TMEM108: variants seen among roughly 807,000 people sequenced by gnomAD.
TMEM108 encodes transmembrane protein 108, also known as cancer/testis antigen 124.
Under a neutral mutation model 35.1 loss-of-function variants are expected in TMEM108, and 12 were observed. The ratio of observed to expected loss-of-function variants is 0.34; its 90% CI spans 0.22 to 0.55. TMEM108 has a LOEUF of 0.55. TMEM108 is among the 20% of genes least tolerant of loss of function. The pLI is 0.89. For missense variants in TMEM108, 680 were observed against 753.3 expected, an observed-to-expected ratio of 0.90 and a Z score of 1.14; for synonymous variants, 287 against 308.6, an observed-to-expected ratio of 0.93 and a Z score of 0.73.
chr3:133,054,877 C>G (rs991433885), intron 2 of TMEM108, among the ~76,000 whole-genome samples: 3 of 152,182 alleles, frequency 2.0e-5, no homozygotes, highest in African/African-American at 7.2e-5. Context: ...GCACCACATA[C>G]AGAGAACAAG....
intron 3 of TMEM108, among the ~76,000 whole-genome samples, chr3:133,279,956 C>G (rs750666111): frequency 6.6e-6 from 1 of 152,164 alleles, no homozygotes; most frequent in Non-Finnish European, 1.5e-5. Context: ...TAGTCAAGTG[C>G]AAGTTGCCCC....
chr3:133,057,798 A>T (rs917604416), intron 2 of TMEM108, among the ~76,000 whole-genome samples: 1 of 152,204 alleles, frequency 6.6e-6, no homozygotes, highest in African/African-American at 2.4e-5. Context: ...TATCTAGTTT[A>T]ACTTTTTTGA....
intron 3 of TMEM108, among the ~76,000 whole-genome samples, chr3:133,286,711 T>C (rs181464028): frequency 6.6e-6 from 1 of 152,324 alleles, no homozygotes; most frequent in East Asian, 1.9e-4. Flanking sequence ...AACCTTGGGC[T>C]ACATAGTATA....
intron 3 of TMEM108, among the ~76,000 whole-genome samples, chr3:133,311,736 C>T (rs1244969389): frequency 2.6e-5 from 4 of 152,222 alleles, no homozygotes; most frequent in African/African-American, 7.2e-5. Flanking sequence ...CATTCTCCGT[C>T]CAGCTTTGTT....
intron 2 of TMEM108, among the ~76,000 whole-genome samples, chr3:133,050,724 A>C (rs1217959221): frequency 6.7e-6 from 1 of 148,518 alleles, no homozygotes; most frequent in Non-Finnish European, 1.5e-5. Context: ...TTTTTTTACT[A>C]TCTCCATAGT....
chr3:133,319,580 A>G (rs1313010655), intron 3 of TMEM108, among the ~76,000 whole-genome samples: 3 of 152,240 alleles, frequency 2.0e-5, no homozygotes, highest in African/African-American at 4.8e-5. Flanking sequence ...CAAGAAAGCT[A>G]GTACACTAAA....
At chr3:133,041,928 C>T (rs899425793) in intron 1 of TMEM108, 8 of 152,188 alleles carry the variant, frequency 5.3e-5, no homozygotes, top group African/African-American at 1.9e-4. Flanking sequence ...CACTATATTT[C>T]AGGGCTGTCC....
chr3:133,231,844 A>T (rs1049881898), intron 3 of TMEM108, among the ~76,000 whole-genome samples: 1 of 152,184 alleles, frequency 6.6e-6, no homozygotes, highest in African/African-American at 2.4e-5. Context: ...GTTCACAAGG[A>T]TTTGCTGACA....
chr3:133,371,726 A>G (rs987235435), intron 3 of TMEM108, among the ~76,000 whole-genome samples: 4 of 152,004 alleles, frequency 2.6e-5, no homozygotes, highest in African/African-American at 7.3e-5. Flanking sequence ...GCACATTGGA[A>G]TGTACTGTGG....
At chr3:133,192,667 G>C (rs57848251) in intron 2 of TMEM108, 36,257 of 152,250 alleles carry the variant, frequency 0.24, 4,503 homozygotes, top group East Asian at 0.48. Context: ...AAGGAAACAT[G>C]TTTGAATCGC....
At chr3:133,368,083 T>C (rs1198022098) in intron 3 of TMEM108, among the ~76,000 whole-genome samples, 11 of 152,128 alleles carry the variant, frequency 7.2e-5, no homozygotes, top group Admixed American at 7.2e-4. Context: ...AGAGGTTCCC[T>C]AGGAGTCCCA....
intron 2 of TMEM108, among the ~76,000 whole-genome samples, chr3:133,144,934 G>A (rs999877085): frequency 3.3e-5 from 5 of 152,096 alleles, no homozygotes; most frequent in African/African-American, 9.7e-5. Context: ...CACTCTGATA[G>A]TTTCTTTTGC....
intron 3 of TMEM108, among the ~76,000 whole-genome samples, chr3:133,241,919 T>C (rs1559879379): frequency 6.6e-6 from 1 of 152,122 alleles, no homozygotes; most frequent in Non-Finnish European, 1.5e-5. Flanking sequence ...CGGCCTCCTG[T>C]GGCTTCTACA....
chr3:133,339,833 A>G (rs2071609546), intron 3 of TMEM108, among the ~76,000 whole-genome samples: 1 of 151,860 alleles, frequency 6.6e-6, no homozygotes, highest in South Asian at 2.1e-4. Context: ...AGAAATAAAC[A>G]TTATGCCTCC....
intron 3 of TMEM108, among the ~76,000 whole-genome samples, chr3:133,256,558 ATAAATTCCTT>A (rs1946549139): frequency 6.6e-6 from 1 of 152,244 alleles, no homozygotes; most frequent in African/African-American, 2.4e-5. Context: ...TCAAAGTCTT[ATAAATTCCTT>A]GTATTGTTAG....
At chr3:133,390,156 C>T (rs779122425) in intron 4 of TMEM108, 24 bp from the exon 5 acceptor site, 25 of 1,613,600 alleles carry the variant, frequency 1.5e-5, no homozygotes, top group Non-Finnish European at 2.5e-6. Flanking sequence ...TCCCTCTCCT[C>T]TCTGACTTGC....
At chr3:133,271,019 C>T (rs1227904778) in intron 3 of TMEM108, among the ~76,000 whole-genome samples, 2 of 152,176 alleles carry the variant, frequency 1.3e-5, no homozygotes, top group African/African-American at 4.8e-5. Context: ...GCACTACCTT[C>T]TGTTATTCTT....
chr3:133,379,943 G>A lies in TMEM108; in HGVS notation c.232G>A (p.Ala78Thr). 6.2e-7 allele frequency: 1 copy of A among 1,613,504 alleles called. No homozygotes were observed. Among genetic ancestry groups the A allele is most frequent in the Non-Finnish European group, 8.5e-7 (1 of 1,179,798 alleles). ...TCCCGATGGACCCCCCTCACAGGCT[G>A]CAGCTCCCATGGCAACACCGACACC... ...PNPDGPPSQA[A>T]APMATPTPRA... is the part of the protein sequence containing the mutation. The change falls in exon 4 of 6, where the codon GCA becomes ACA. Residue 78 changes from alanine (A) to threonine (T), a missense_variant. Physicochemically the swap from Ala to Thr is moderately conservative, Grantham distance 58. This residue lies in a region of TMEM108 where 526 missense variants were observed against 532.1 expected (regional missense o/e 0.99). Coordinates refer to ENST00000321871, the MANE Select transcript of TMEM108 (RefSeq NM_023943.4).
intron 2 of TMEM108, chr3:133,119,271 C>T (rs920133900): frequency 6.6e-6 from 1 of 152,060 alleles, no homozygotes; most frequent in Non-Finnish European, 1.5e-5. Context: ...GTAGGCACTC[C>T]CCTCCACCCA....
Sources: allele counts gnomAD v4.1 joint callset (sites outside exome capture counted in the v4.1 genomes callset), GRCh38; gene constraint gnomAD v4.1.1; regional missense constraint gnomAD v4.1.1; transcripts MANE v1.5; gene names NCBI Gene and HGNC (gene_info 2026-07-23, HGNC 2026-07-21).